The following MAP2K4 variants were observed in gnomAD, a reference collection of about 807,000 sequenced individuals.
MAP2K4 encodes the protein mitogen-activated protein kinase kinase 4.
MAP2K4 carries 4 observed loss-of-function variants against 48.5 expected under a neutral mutation model. The observed-to-expected ratio is 0.08, with a 90% CI of 0.04 to 0.19. The LOEUF is 0.19. MAP2K4 is among the 10% of genes least tolerant of loss of function. The pLI is 1.00. For synonymous variants in MAP2K4, 166 were observed against 173.1 expected (o/e 0.96, Z 0.32); for missense variants, 258 against 493.3 (o/e 0.52, Z 4.52).
chr17:12,115,934 A>G (rs1972479149), intron 7 of MAP2K4: 3 of 500,760 alleles, frequency 6.0e-6, no homozygotes, highest in Non-Finnish European at 1.1e-5. Flanking sequence ...TCATCTTCTA[A>G]CACCAGCTAT....
chr17:12,117,639 A>G (rs1972547728), intron 7 of MAP2K4, among the ~76,000 whole-genome samples: 1 of 152,038 alleles, frequency 6.6e-6, no homozygotes. Context: ...TCAGTAGCTT[A>G]AAGTTAATGT....
intron 1 of MAP2K4, among the ~76,000 whole-genome samples, chr17:12,025,110 T>C (rs989017159): frequency 1.3e-5 from 2 of 152,174 alleles, no homozygotes; most frequent in Admixed American, 1.3e-4. Flanking sequence ...TCCCATAGCA[T>C]GTAGTAATGT....
intron 1 of MAP2K4, among the ~76,000 whole-genome samples, chr17:12,025,520 C>T (rs1206859150): frequency 6.6e-6 from 1 of 152,112 alleles, no homozygotes; most frequent in Admixed American, 6.5e-5. Context: ...ATAATTGATT[C>T]AGAAAAACAT....
At chr17:12,088,653 T>C (rs889100254) in intron 3 of MAP2K4, among the ~76,000 whole-genome samples, 1 of 144,296 alleles carries the variant, frequency 6.9e-6, no homozygotes, top group Non-Finnish European at 1.5e-5. Context: ...TTCTTTTGAT[T>C]TTTAATGCTG....
chr17:12,111,685 A>G (rs1228915541), intron 6 of MAP2K4, among the ~76,000 whole-genome samples: 1 of 152,198 alleles, frequency 6.6e-6, no homozygotes, highest in African/African-American at 2.4e-5. Flanking sequence ...GTTTATAGCC[A>G]TCTTTTATCA....
At chr17:12,090,046 C>A (rs747211220) in intron 3 of MAP2K4, among the ~76,000 whole-genome samples, 1 of 152,180 alleles carries the variant, frequency 6.6e-6, no homozygotes, top group African/African-American at 2.4e-5. Flanking sequence ...GAACTGACAT[C>A]TGTCATGTCC....
rs1973420873 is a variant in MAP2K4, at chr17:12,143,007, C to T, written c.*1747C>T. 1 of 232,896 alleles carries T rather than the reference C, an allele frequency of 4.3e-6. No individual in the cohort carries two copies. Among genetic ancestry groups the T allele is most frequent in the Admixed American group, 5.6e-5 (1 of 17,772 alleles). 14.4% of individuals were successfully genotyped at this position (232,896 alleles called of 1,614,324 possible). ...GGGAGAATGGTGCTGTTTAAAGTCACATCCCTGTAAATTGCAGAATTCAAA... is the reference window on the plus strand; with the variant it reads ...GGGAGAATGGTGCTGTTTAAAGTCATATCCCTGTAAATTGCAGAATTCAAA... On this transcript the variant is annotated 3_prime_UTR_variant, in exon 11 of 11. Coordinates refer to ENST00000353533, the MANE Select transcript of MAP2K4 (RefSeq NM_003010.4).
chr17:12,120,664 T>C (rs770218343), intron 7 of MAP2K4, among the ~76,000 whole-genome samples: 3 of 151,770 alleles, frequency 2.0e-5, no homozygotes, highest in Non-Finnish European at 2.9e-5. Context: ...GAGAGACTCC[T>C]AAGACAAAAA....
chr17:12,091,872 A>G (rs1196382359), intron 3 of MAP2K4, among the ~76,000 whole-genome samples: 1 of 152,134 alleles, frequency 6.6e-6, no homozygotes, highest in East Asian at 1.9e-4. Flanking sequence ...TGTTTTCTTT[A>G]TGTTATATTC....
At chr17:12,087,717 C>G (rs1299614326) in intron 3 of MAP2K4, among the ~76,000 whole-genome samples, 3 of 151,972 alleles carry the variant, frequency 2.0e-5, no homozygotes, top group African/African-American at 7.3e-5. Flanking sequence ...AATTAGCATT[C>G]TTTCTTCTGC....
chr17:12,113,380 C>G lies in MAP2K4; in HGVS notation c.813+20C>G. The stretch of plus-strand genomic sequence containing the variant: ...ATGGCAGTAAGTGTTAAGTCCAGGC[C>G]TTCTTGCTTGATAGTCATTGCACAG... On this transcript the variant is annotated intron_variant, in intron 7 of 10. Coordinates refer to ENST00000353533, the MANE Select transcript of MAP2K4 (RefSeq NM_003010.4). 6.2e-7 allele frequency: 1 copy of G among 1,610,788 alleles called. No homozygotes were observed. The highest frequency in any genetic ancestry group is 1.7e-4 in the Middle Eastern group (1 of 6,030).
chr17:12,126,108 C>T (rs1972842463), intron 8 of MAP2K4, among the ~76,000 whole-genome samples: 1 of 152,072 alleles, frequency 6.6e-6, no homozygotes, highest in South Asian at 2.1e-4. Flanking sequence ...CCTCATGATC[C>T]AATCACCTCC....
At chr17:12,133,353 A>G (rs1973095949) in intron 9 of MAP2K4, among the ~76,000 whole-genome samples, 1 of 152,216 alleles carries the variant, frequency 6.6e-6, no homozygotes, top group Non-Finnish European at 1.5e-5. Flanking sequence ...GAGTGCTGGG[A>G]TTACAGGCGT....
At chr17:12,064,413 ACT>A (rs1296877151) in intron 2 of MAP2K4, among the ~76,000 whole-genome samples, 1 of 152,158 alleles carries the variant, frequency 6.6e-6, no homozygotes, top group Non-Finnish European at 1.5e-5. Context: ...TGGTTTAAAG[ACT>A]CTGATAGACA....
chr17:12,104,437 C>T (rs1972040899), intron 4 of MAP2K4, among the ~76,000 whole-genome samples: 1 of 151,958 alleles, frequency 6.6e-6, no homozygotes, highest in Non-Finnish European at 1.5e-5. Context: ...CTCCTTTTAC[C>T]TGGTGTGTAC....
Position 12,034,456 on chromosome 17 carries a change from C to T in MAP2K4, c.115+13455C>T, listed in dbSNP as rs1032452284. On this transcript the variant is annotated intron_variant, in intron 1 of 10. Coordinates refer to ENST00000353533, the MANE Select transcript of MAP2K4 (RefSeq NM_003010.4). ...TTACACTGTGGCTACTTTCTGCTGGCTTTTCACATCTCTCTTTTTATTTCT... is the reference window on the plus strand; with the variant it reads ...TTACACTGTGGCTACTTTCTGCTGGTTTTTCACATCTCTCTTTTTATTTCT... 2.0e-5 allele frequency among the ~76,000 whole-genome samples: 3 copies of T among 152,228 alleles called. No homozygotes were observed. In the East Asian group the frequency reaches 5.8e-4, roughly 29 times the overall value.
intron 4 of MAP2K4, among the ~76,000 whole-genome samples, chr17:12,099,973 G>A (rs1971883876): frequency 6.6e-6 from 1 of 152,144 alleles, no homozygotes; most frequent in Non-Finnish European, 1.5e-5. Flanking sequence ...GATGCTGGCT[G>A]AAGCAAGTTA....
intron 2 of MAP2K4, among the ~76,000 whole-genome samples, chr17:12,067,722 A>C (rs1046090369): frequency 1.8e-4 from 28 of 152,230 alleles, no homozygotes; most frequent in Non-Finnish European, 3.8e-4. Context: ...CAGAAACCAA[A>C]GCAATCCAGT....
At chr17:12,031,268 A>G (rs1969429348) in intron 1 of MAP2K4, among the ~76,000 whole-genome samples, 1 of 152,202 alleles carries the variant, frequency 6.6e-6, no homozygotes, top group Non-Finnish European at 1.5e-5. Flanking sequence ...CAGTTTTTGT[A>G]CTTTATAGAT....
Sources: allele counts gnomAD v4.1 joint callset (sites outside exome capture counted in the v4.1 genomes callset), GRCh38; gene constraint gnomAD v4.1.1; transcripts MANE v1.5; gene names NCBI Gene and HGNC (gene_info 2026-07-23, HGNC 2026-07-21).